Variants in CTSF observed in about 807,000 individuals in gnomAD.
The protein encoded by CTSF is cathepsin F.
A neutral mutation model predicts 63.5 loss-of-function variants in CTSF; 65 were observed. The ratio of observed to expected loss-of-function variants is 1.02; its 90% CI spans 0.84 to 1.26. The LOEUF is 1.26. CTSF is among the 50% of genes most tolerant of loss of function. The pLI, the probability that CTSF is intolerant of heterozygous loss-of-function variation, is 0.00. For synonymous variants in CTSF, 256 were observed against 258.1 expected (o/e 0.99, Z 0.08); for missense variants, 641 against 631.0 (o/e 1.02, Z -0.17).
chr11:66,566,034 T>A lies in CTSF; in HGVS notation c.855A>T (p.Lys285Asn). The change falls in exon 6 of 13, where the codon AAA becomes AAT. Residue 285 changes from lysine (K) to asparagine (N), a missense_variant. Coordinates refer to ENST00000310325, the MANE Select transcript of CTSF (RefSeq NM_003793.4). ...CCAGGGGTCCAACCTGGTCTTTGAC[T>A]TTTGTGACAGCCCCCTTACTCCTCC... Reference protein sequence around the residue: ...WDWRSKGAVTKVKDQGMCGSC... With the variant: ...WDWRSKGAVTNVKDQGMCGSC... 1 of 1,614,158 alleles carries A rather than the reference T, an allele frequency of 6.2e-7. No individual in the cohort carries two copies. Among genetic ancestry groups the A allele is most frequent in the South Asian group, 1.1e-5 (1 of 91,084 alleles).
chr11:66,564,700 T>C, intron 10 of CTSF, 42 bp downstream of exon 10: 2 of 1,611,434 alleles, frequency 1.2e-6, no homozygotes, highest in Non-Finnish European at 1.7e-6. Context: ...GTCGGGGAGG[T>C]CAACAAGAGA....
chr11:66,567,634 A>G lies in CTSF; in HGVS notation c.341T>C (p.Leu114Pro). The change falls in exon 3 of 13, where the codon CTC becomes CCC. Residue 114 changes from leucine to proline, a missense_variant. Leu to Pro is a moderately conservative substitution (Grantham distance 98). Transcript: ENST00000310325. ...CTTCCGCAGCAGCACGTGTCTTCCG[A>G]GCTCATCCAGGACTTGGAAGCTGCA... is the stretch of plus-strand genomic sequence containing the variant. ...LLCSFQVLDE[L>P]GRHVLLRKDC... is the part of the protein sequence containing the mutation. 1 of 1,614,086 alleles carries G rather than the reference A, an allele frequency of 6.2e-7. No individual in the cohort carries two copies. Among genetic ancestry groups the G allele is most frequent in the Non-Finnish European group, 8.5e-7 (1 of 1,179,994 alleles).
At position 66,567,311 on chromosome 11, in the gene CTSF, A is replaced by ACAGGCAAGTCCTGGATAGG. The variant is rs765760543; in HGVS notation, c.532-9_541dup (p.Val181AlafsTer21). Reference sequence around the variant, plus strand: ...GTTCTTGAAGATTGAAGCCATCTTCACAGGCAAGTCCTGGATAGGCAGACC... The same window carrying ACAGGCAAGTCCTGGATAGG: ...GTTCTTGAAGATTGAAGCCATCTTCACAGGCAAGTCCTGGATAGGCAGGCAAGTCCTGGATAGGCAGACC... On this transcript the variant is annotated frameshift_variant, in exon 4 of 13. Transcript: ENST00000310325. LOFTEE classifies it high-confidence loss of function. 1 of 1,614,210 alleles carries ACAGGCAAGTCCTGGATAGG rather than the reference A, an allele frequency of 6.2e-7. No homozygotes were observed. Among genetic ancestry groups the ACAGGCAAGTCCTGGATAGG allele is most frequent in the African/African-American group, 1.3e-5 (1 of 75,056 alleles).
chr11:66,567,803 G>C, intron 2 of CTSF, 141 bp from the exon 3 acceptor site: 1 of 1,378,680 alleles, frequency 7.3e-7, no homozygotes, highest in Non-Finnish European at 9.7e-7. Flanking sequence ...GTGAGGCACG[G>C]CCTGCACCGG....
In CTSF at chr11:66,564,074, C is replaced by T; in HGVS notation, c.1380+14G>A. On this transcript the variant is annotated intron_variant, in intron 12 of 12. Transcript: ENST00000310325. ...GGCGGCTGGAGGGCCAGGGGCCAAG[C>T]CAGCAAGACTCACCTTCTCACCCCA... The T allele has an allele frequency of 1.2e-6, 2 of 1,613,662 alleles. No individual in the cohort carries two copies. Among genetic ancestry groups the T allele is most frequent in the Admixed American group, 1.7e-5 (1 of 59,964 alleles).
Position 66,564,655 on chromosome 11 carries a change from G to A in CTSF, c.1231-7C>T, listed in dbSNP as rs752911567. The A allele has an allele frequency of 6.2e-7, 1 of 1,612,422 alleles. No individual in the cohort carries two copies. The stretch of plus-strand genomic sequence containing the variant: ...AGATCCCGTGGCGGTAAAACTGGAG[G>A]TGGAGAAGGAGTAGGGGATCGACTC... On this transcript the variant is annotated splice_region_variant and splice_polypyrimidine_tract_variant and intron_variant, in intron 10 of 12. Coordinates refer to ENST00000310325, the MANE Select transcript of CTSF (RefSeq NM_003793.4).
chr11:66,568,107 G>A, intron 1 of CTSF, 25 bp from the exon 2 acceptor site: 1 of 1,601,248 alleles, frequency 6.2e-7, no homozygotes, highest in Non-Finnish European at 8.5e-7. Context: ...AGGTGAGGCG[G>A]GCACAGTCGG....
Position 66,566,029 on chromosome 11 carries a change from T to C in CTSF, c.860A>G (p.Lys287Arg), listed in dbSNP as rs748086442. The change falls in exon 6 of 13, where the codon AAA becomes AGA. Residue 287 changes from lysine to arginine, a missense_variant. Transcript: ENST00000310325. ...WRSKGAVTKV[K>R]DQGMCGSCWA... is the part of the protein sequence containing the mutation. ...CACTTCCAGGGGTCCAACCTGGTCT[T>C]TGACTTTTGTGACAGCCCCCTTACT... is the stretch of plus-strand genomic sequence containing the variant. 2.5e-6 allele frequency: 4 copies of C among 1,614,186 alleles called. No homozygotes were observed. Among genetic ancestry groups the C allele is most frequent in the South Asian group, 1.1e-5 (1 of 91,082 alleles).
At position 66,565,385 on chromosome 11, in the gene CTSF, T is replaced by C. The variant is rs115467374; in HGVS notation, c.1045+286A>G. On this transcript the variant is annotated intron_variant, in intron 8 of 12. Coordinates refer to ENST00000310325, the MANE Select transcript of CTSF (RefSeq NM_003793.4). Reference sequence around the variant, plus strand: ...CCCCCCAAGTAGCTGAGACTACAGATGCAAGCCACCATGCCTGGCTAATGT... The same window carrying C: ...CCCCCCAAGTAGCTGAGACTACAGACGCAAGCCACCATGCCTGGCTAATGT... Among the ~76,000 whole-genome samples the C allele has an allele frequency of 0.013, 1,955 of 152,312 alleles. 46 individuals carry two copies. The highest frequency in any genetic ancestry group is 0.045 in the African/African-American group (1,859 of 41,564).
intron 8 of CTSF, 23 bp downstream of exon 8, chr11:66,565,648 C>G (rs780490009): frequency 6.2e-7 from 1 of 1,612,790 alleles, no homozygotes; most frequent in South Asian, 1.1e-5. Context: ...CCGGTTGCCC[C>G]TCCTGACCCC....
At chr11:66,568,230 C>T in intron 1 of CTSF, 44 bp downstream of exon 1, 1 of 1,520,818 alleles carries the variant, frequency 6.6e-7, no homozygotes, top group Non-Finnish European at 8.8e-7. Context: ...AGCTCCTATC[C>T]CTTGGACCCG....
chr11:66,568,473 A>T lies in CTSF; in HGVS notation c.14T>A (p.Leu5Gln). Residue 5 changes from leucine (L) to glutamine (Q), a missense_variant, in exon 1 of 13, where the codon CTG (leucine) becomes CAG (glutamine). Coordinates refer to ENST00000310325, the MANE Select transcript of CTSF (RefSeq NM_003793.4). MAPW[L>Q]QLLSLLGLLP... ...CAGCCCCAGCAGCGACAGGAGCTGC[A>T]GCCAGGGCGCCATGGCGAGGGCGAA... 6.8e-7 allele frequency: 1 copy of T among 1,473,750 alleles called. No homozygotes were observed. The highest frequency in any genetic ancestry group is 8.9e-7 in the Non-Finnish European group (1 of 1,120,294). 91.3% of individuals were successfully genotyped at this position (1,473,750 alleles called of 1,614,324 possible).
rs2134947693 is a variant in CTSF at position 66,563,699 on chromosome 11, G to A, written c.*234C>T. 2 of 601,446 alleles carry A rather than the reference G, an allele frequency of 3.3e-6. No individual in the cohort carries two copies. The highest frequency in any genetic ancestry group is 4.2e-5 in the South Asian group (2 of 47,784). 37.3% of individuals were successfully genotyped at this position (601,446 alleles called of 1,614,324 possible). A position where few individuals can be genotyped will look rare whatever the true frequency, so the allele number is the denominator to read the frequency against. On this transcript the variant is annotated 3_prime_UTR_variant, in exon 13 of 13. Transcript: ENST00000310325. ...CTGCCAAGATACCACCCTTCACCCC[G>A]ACATCCTCCTAAGCTACCACAATTC...
At chr11:66,565,627 G>C (rs756862617) in intron 8 of CTSF, 44 bp downstream of exon 8, 1 of 1,608,724 alleles carries the variant, frequency 6.2e-7, no homozygotes, top group Non-Finnish European at 8.5e-7. Flanking sequence ...CTTGTACAGG[G>C]AGAAGTGGCT....
chr11:66,563,821 C>A lies in CTSF; in HGVS notation c.*112G>T. 1 of 1,337,996 alleles carries A rather than the reference C, an allele frequency of 7.5e-7. No individual in the cohort carries two copies. The highest frequency in any genetic ancestry group is 2.0e-5 in the Admixed American group (1 of 51,230). 82.9% of individuals were successfully genotyped at this position (1,337,996 alleles called of 1,614,324 possible). A position where few individuals can be genotyped will look rare whatever the true frequency, so the allele number is the denominator to read the frequency against. ...GTGCCCTCTGCTCACCCTGAGGTACCCAGTGCCTTTCCCTCTGCCAGCTGT... is the reference window on the plus strand; with the variant it reads ...GTGCCCTCTGCTCACCCTGAGGTACACAGTGCCTTTCCCTCTGCCAGCTGT... On this transcript the variant is annotated 3_prime_UTR_variant, in exon 13 of 13. Transcript: ENST00000310325.
chr11:66,567,379 A>G, intron 3 of CTSF, 58 bp from the exon 4 acceptor site: 1 of 1,613,288 alleles, frequency 6.2e-7, no homozygotes, highest in Non-Finnish European at 8.5e-7. Context: ...GAGGGAAGGG[A>G]GAAGGGTGAT....
Position 66,568,593 on chromosome 11 carries a change from GCAC to G in CTSF, c.-110_-108del. The stretch of plus-strand genomic sequence containing the variant: ...GAGTCCTCCCTCCAGCGGGGCGACG[GCAC>G]GCCGACCAATGGGCGCTGGTTTGCG... On this transcript the variant is annotated 5_prime_UTR_variant, in exon 1 of 13. Coordinates refer to ENST00000310325, the MANE Select transcript of CTSF (RefSeq NM_003793.4). The G allele has an allele frequency of 7.7e-7, 1 of 1,304,044 alleles. No homozygotes were observed. The highest frequency in any genetic ancestry group is 1.0e-6 in the Non-Finnish European group (1 of 1,001,730). 80.8% of individuals were successfully genotyped at this position (1,304,044 alleles called of 1,614,324 possible).
In CTSF at chr11:66,568,591, C is replaced by A; in HGVS notation, c.-105G>T. On this transcript the variant is annotated 5_prime_UTR_variant, in exon 1 of 13. Coordinates refer to ENST00000310325, the MANE Select transcript of CTSF (RefSeq NM_003793.4). The stretch of plus-strand genomic sequence containing the variant: ...CTGAGTCCTCCCTCCAGCGGGGCGA[C>A]GGCACGCCGACCAATGGGCGCTGGT... The A allele has an allele frequency of 7.6e-7, 1 of 1,319,576 alleles. No homozygotes were observed. Among genetic ancestry groups the A allele is most frequent in the Non-Finnish European group, 9.9e-7 (1 of 1,015,090 alleles). 81.7% of individuals were successfully genotyped at this position (1,319,576 alleles called of 1,614,324 possible).
chr11:66,564,027 G>C lies in CTSF; in HGVS notation c.1381-20C>G, dbSNP rs1857869496. ...GTAACCCTGGGGGAGAGGGGGAGCT[G>C]GTGAGGGCACCAGGGTAGGATGGCG... On this transcript the variant is annotated intron_variant, in intron 12 of 12. Transcript: ENST00000310325. 6.2e-7 allele frequency: 1 copy of C among 1,613,826 alleles called. No homozygotes were observed. The highest frequency in any genetic ancestry group is 1.3e-5 in the African/African-American group (1 of 74,932).
Sources: gnomAD v4.1 joint callset for allele counts (sites outside exome capture counted in the v4.1 genomes callset) on GRCh38, gnomAD v4.1.1 for gene constraint, MANE v1.5 for transcripts, NCBI Gene and HGNC (gene_info 2026-07-23, HGNC 2026-07-21) for gene names.